Variants in ROCK1 observed in about 807,000 individuals in gnomAD.
The protein encoded by ROCK1 is rho-associated protein kinase 1.
ROCK1 carries 36 observed loss-of-function variants against 196.8 expected under a neutral mutation model. The ratio of observed to expected loss-of-function variants is 0.18; its 90% CI spans 0.14 to 0.24. The LOEUF (loss-of-function observed/expected upper bound fraction) is 0.24. Ranked by LOEUF, ROCK1 falls within the 10% of genes least tolerant of loss-of-function variation. The pLI is 1.00. For synonymous variants in ROCK1, 443 were observed against 515.9 expected (o/e 0.86, Z 1.91); for missense variants, 920 against 1,562.0 (o/e 0.59, Z 6.93).
At chr18:21,019,691 G>A (rs1262738474) in intron 12 of ROCK1, among the ~76,000 whole-genome samples, 4 of 151,582 alleles carry the variant, frequency 2.6e-5, no homozygotes, top group Admixed American at 6.6e-5. Context: ...CCAGCTACTC[G>A]GGAGGCTGAG....
At chr18:21,073,272 C>T (rs2143555760) in intron 1 of ROCK1, among the ~76,000 whole-genome samples, 1 of 152,058 alleles carries the variant, frequency 6.6e-6, no homozygotes, top group African/African-American at 2.4e-5. Context: ...CACACAAAGG[C>T]AGGCATAATC....
chr18:20,984,783 A>G (rs1334662370), intron 19 of ROCK1, among the ~76,000 whole-genome samples: 1 of 152,080 alleles, frequency 6.6e-6, no homozygotes, highest in African/African-American at 2.4e-5. Flanking sequence ...TTCTACCCCA[A>G]TCAGCATGAA....
chr18:21,014,735 T>C (rs1217632503), intron 13 of ROCK1, among the ~76,000 whole-genome samples: 1 of 152,140 alleles, frequency 6.6e-6, no homozygotes, highest in African/African-American at 2.4e-5. Flanking sequence ...TACCATTCTA[T>C]AAGGGAAGAA....
At chr18:21,014,451 T>C (rs894062229) in intron 13 of ROCK1, among the ~76,000 whole-genome samples, 1 of 152,230 alleles carries the variant, frequency 6.6e-6, no homozygotes, top group Non-Finnish European at 1.5e-5. Context: ...TCTTACTCCA[T>C]CTTTCTAGAA....
intron 27 of ROCK1, among the ~76,000 whole-genome samples, 191 bp from the exon 28 acceptor site, chr18:20,960,397 T>A (rs997192656): frequency 6.6e-6 from 1 of 151,802 alleles, no homozygotes; most frequent in African/African-American, 2.4e-5. Flanking sequence ...CAGAAAAAAA[T>A]TCCAAGCCAC....
chr18:21,009,375 T>C (rs1301471322), intron 13 of ROCK1, among the ~76,000 whole-genome samples: 2 of 151,938 alleles, frequency 1.3e-5, no homozygotes, highest in South Asian at 2.1e-4. Flanking sequence ...CTGTATTGTA[T>C]GTATCTACAG....
intron 9 of ROCK1, among the ~76,000 whole-genome samples, chr18:21,038,461 A>G (rs1487122773): frequency 6.6e-6 from 1 of 152,154 alleles, no homozygotes; most frequent in East Asian, 1.9e-4. Flanking sequence ...ACTGTGCTAT[A>G]GTACTTGAAG....
chr18:21,084,207 T>C (rs2143574455), intron 1 of ROCK1, among the ~76,000 whole-genome samples: 2 of 151,946 alleles, frequency 1.3e-5, no homozygotes, highest in South Asian at 4.1e-4. Flanking sequence ...CTTCAGGACA[T>C]TGAATTTGAC....
intron 31 of ROCK1, among the ~76,000 whole-genome samples, 166 bp from the exon 32 acceptor site, chr18:20,953,951 TAAAAA>T (rs1028451826): frequency 6.7e-6 from 1 of 148,996 alleles, no homozygotes; most frequent in African/African-American, 2.5e-5. Context: ...AGGCTGAAAT[TAAAAA>T]AAAAAATTAG....
At chr18:20,969,362 C>A in intron 23 of ROCK1, 154 bp from the exon 24 acceptor site, 1 of 507,364 alleles carries the variant, frequency 2.0e-6, no homozygotes, top group South Asian at 3.5e-5. Context: ...GTAATTACAT[C>A]AAAAATATTT....
chr18:21,110,722 T>G, intron 1 of ROCK1, 96 bp downstream of exon 1: 2 of 936,374 alleles, frequency 2.1e-6, no homozygotes, highest in Non-Finnish European at 3.4e-6. Context: ...AAGACGATTA[T>G]GCACACCTGA....
At position 20,959,727 on chromosome 18, in the gene ROCK1, A is replaced by G. The variant is rs201839875; in HGVS notation, c.3512+113T>C. ...AACATTTATGCTTAAGAAAAACAGAAAAGTAGGTAACAGTGCTGAAGTAAC... is the reference window on the plus strand; with the variant it reads ...AACATTTATGCTTAAGAAAAACAGAGAAGTAGGTAACAGTGCTGAAGTAAC... On this transcript the variant is annotated intron_variant, in intron 29 of 32. Transcript: ENST00000399799. The G allele has an allele frequency of 7.0e-4, 350 of 497,498 alleles. 5 individuals are homozygous for G. The East Asian group carries it at 0.011, about 16-fold the overall frequency. 30.8% of individuals were successfully genotyped at this position (497,498 alleles called of 1,614,324 possible).
chr18:20,980,267 G>T (rs571363329), intron 21 of ROCK1, among the ~76,000 whole-genome samples: 13 of 152,122 alleles, frequency 8.5e-5, no homozygotes, highest in African/African-American at 2.9e-4. Context: ...CAAAACTGTG[G>T]TTAATTCATA....
At chr18:20,981,132 C>T (rs533637115) in intron 21 of ROCK1, among the ~76,000 whole-genome samples, 2 of 151,920 alleles carry the variant, frequency 1.3e-5, no homozygotes, top group African/African-American at 2.4e-5. Flanking sequence ...CAGTGGCTCA[C>T]GCCTGTAATT....
chr18:21,070,722 C>T (rs1325821502), intron 1 of ROCK1, 109 bp from the exon 2 acceptor site: 3 of 640,416 alleles, frequency 4.7e-6, no homozygotes, highest in Non-Finnish European at 2.5e-6. Flanking sequence ...CCTAACACAT[C>T]TTGTGTACAT....
At chr18:21,067,881 T>C (rs984549862) in intron 2 of ROCK1, among the ~76,000 whole-genome samples, 1 of 152,230 alleles carries the variant, frequency 6.6e-6, no homozygotes, top group African/African-American at 2.4e-5. Flanking sequence ...TATTTTCGGT[T>C]AATTTTTGTA....
At chr18:20,975,893 G>C (rs893978764) in intron 22 of ROCK1, among the ~76,000 whole-genome samples, 1 of 152,122 alleles carries the variant, frequency 6.6e-6, no homozygotes, top group Non-Finnish European at 1.5e-5. Flanking sequence ...TTACAGGCGT[G>C]AGCCACCATG....
intron 13 of ROCK1, among the ~76,000 whole-genome samples, chr18:21,013,959 G>A (rs1218437183): frequency 1.3e-5 from 2 of 151,784 alleles, no homozygotes; most frequent in Admixed American, 1.3e-4. Context: ...CCAGCTACTC[G>A]GGAGGCTGAG....
intron 1 of ROCK1, among the ~76,000 whole-genome samples, chr18:21,107,226 C>T (rs1276818003): frequency 4.6e-5 from 7 of 152,190 alleles, no homozygotes; most frequent in Admixed American, 3.9e-4. Context: ...AGATTTTGAG[C>T]ACTTCAAATT....
Sources: allele counts gnomAD v4.1 joint callset (sites outside exome capture counted in the v4.1 genomes callset), GRCh38; gene constraint gnomAD v4.1.1; transcripts MANE v1.5; gene names NCBI Gene and HGNC (gene_info 2026-07-23, HGNC 2026-07-21).